KANK4: variants seen among roughly 807,000 people sequenced by gnomAD.
KANK4 encodes the protein KN motif and ankyrin repeat domains 4.
Under a neutral mutation model 80.8 loss-of-function variants are expected in KANK4, and 50 were observed. The ratio of observed to expected loss-of-function variants is 0.62; its 90% CI spans 0.49 to 0.78. The LOEUF (loss-of-function observed/expected upper bound fraction) is 0.78, where lower values mean the gene tolerates loss of function less well. KANK4 is among the 30% of genes least tolerant of loss of function. The pLI is 0.00. For missense variants in KANK4, 1,196 were observed against 1,240.1 expected (o/e 0.96, Z 0.53); for synonymous variants, 465 against 506.9 (o/e 0.92, Z 1.11).
intron 7 of KANK4, among the ~76,000 whole-genome samples, chr1:62,256,966 A>C (rs1671766542): frequency 6.6e-6 from 1 of 152,190 alleles, no homozygotes; most frequent in African/African-American, 2.4e-5. Flanking sequence ...AAGGAGCCTC[A>C]GCTTATCAGT....
intron 5 of KANK4, among the ~76,000 whole-genome samples, chr1:62,267,646 CA>C (rs1026929766): frequency 1.3e-5 from 2 of 151,860 alleles, no homozygotes; most frequent in African/African-American, 4.8e-5. Flanking sequence ...CTAAAAAATA[CA>C]AAAAAATAGC....
chr1:62,285,385 A>T (rs1036574448), intron 1 of KANK4, among the ~76,000 whole-genome samples: 1 of 151,896 alleles, frequency 6.6e-6, no homozygotes, highest in Admixed American at 6.6e-5. Context: ...GGTAAGCCCA[A>T]CTCCTGCAGC....
intron 9 of KANK4, among the ~76,000 whole-genome samples, chr1:62,245,729 G>A (rs1671449717): frequency 6.6e-6 from 1 of 152,138 alleles, no homozygotes; most frequent in Non-Finnish European, 1.5e-5. Flanking sequence ...ATTACTGAGA[G>A]GATTAGAGGT....
chr1:62,281,779 TA>T lies in KANK4; in HGVS notation c.-70-146del. On this transcript the variant is annotated intron_variant, in intron 1 of 9. Coordinates refer to ENST00000371153, the MANE Select transcript of KANK4 (RefSeq NM_181712.5). Reference sequence around the variant, plus strand: ...CTCACAGCCCTCCAAGGAGGAAGATTAAAAACCTGTACACATTTCTAGAGCC... The same window carrying T: ...CTCACAGCCCTCCAAGGAGGAAGATTAAAACCTGTACACATTTCTAGAGCC... The T allele has an allele frequency of 6.5e-6, 4 of 618,002 alleles. 1 individual carries two copies. In the South Asian group the frequency reaches 7.8e-5, roughly 12 times the overall value. The allele number at this position is 618,002 out of a possible 1,614,324, so 38.3% of individuals were successfully genotyped here.
At chr1:62,272,965 A>G (rs1672200834) in intron 3 of KANK4, among the ~76,000 whole-genome samples, 2 of 151,440 alleles carry the variant, frequency 1.3e-5, no homozygotes, top group Non-Finnish European at 2.9e-5. Context: ...TAATTTTTGT[A>G]TTTTTAGTAG....
chr1:62,262,412 C>T (rs1486096931), intron 7 of KANK4, among the ~76,000 whole-genome samples: 1 of 152,164 alleles, frequency 6.6e-6, no homozygotes, highest in Non-Finnish European at 1.5e-5. Context: ...TGAAGCATTT[C>T]CTTGACAGAA....
In KANK4 at chr1:62,268,494, G is replaced by T. The variant is rs1268431570; in HGVS notation, c.2024C>A (p.Thr675Asn). Residue 675 changes from threonine to asparagine, a missense_variant, in exon 5 of 10, where the codon ACC becomes AAC. Thr to Asn is a moderately conservative substitution (Grantham distance 65). Coordinates refer to ENST00000371153, the MANE Select transcript of KANK4 (RefSeq NM_181712.5). ...FVGVNGGYET[T>N]SSEETSGEDS... ...CTCACCGCTGGTCTCCTCACTTGAG[G>T]TGGTCTCATACCTGGGGTAGAAAAC... 1 of 1,613,508 alleles carries T rather than the reference G, an allele frequency of 6.2e-7. No individual in the cohort carries two copies. Among genetic ancestry groups the T allele is most frequent in the Admixed American group, 1.7e-5 (1 of 60,014 alleles).
intron 1 of KANK4, among the ~76,000 whole-genome samples, chr1:62,306,129 C>T (rs1644449185): frequency 1.3e-5 from 2 of 152,056 alleles, no homozygotes; most frequent in African/African-American, 4.8e-5. Context: ...GGACTACAGG[C>T]ATGTGCCACC....
At chr1:62,294,747 G>A (rs1486165750) in intron 1 of KANK4, among the ~76,000 whole-genome samples, 10 of 152,210 alleles carry the variant, frequency 6.6e-5, no homozygotes, top group Admixed American at 5.2e-4. Flanking sequence ...GACAAGAAGC[G>A]GACATGTGTG....
chr1:62,288,277 T>A (rs1227764702), intron 1 of KANK4, among the ~76,000 whole-genome samples: 1 of 152,138 alleles, frequency 6.6e-6, no homozygotes, highest in African/African-American at 2.4e-5. Context: ...ATGGCCCAGG[T>A]CCCTTCTGCC....
intron 9 of KANK4, among the ~76,000 whole-genome samples, chr1:62,238,860 G>A (rs1671273033): frequency 6.6e-6 from 1 of 152,040 alleles, no homozygotes; most frequent in African/African-American, 2.4e-5. Flanking sequence ...AAACTCCTGG[G>A]CTGAAGTGGT....
At chr1:62,243,693 C>T (rs1353121575) in intron 9 of KANK4, among the ~76,000 whole-genome samples, 1 of 152,136 alleles carries the variant, frequency 6.6e-6, no homozygotes, top group Non-Finnish European at 1.5e-5. Flanking sequence ...TTAGCTGTAT[C>T]CCTGGCCTCT....
intron 9 of KANK4, among the ~76,000 whole-genome samples, chr1:62,241,039 G>A (rs182483671): frequency 1.3e-4 from 20 of 152,312 alleles, no homozygotes; most frequent in South Asian, 6.2e-4. Flanking sequence ...TTGATGGGTA[G>A]AGGACACCCA....
intron 7 of KANK4, among the ~76,000 whole-genome samples, chr1:62,257,624 T>A (rs1483541358): frequency 6.6e-6 from 1 of 152,048 alleles, no homozygotes; most frequent in Admixed American, 6.6e-5. Context: ...AGTTTGTAAT[T>A]TTTTTTTCTG....
At chr1:62,286,426 G>A (rs560351254) in intron 1 of KANK4, among the ~76,000 whole-genome samples, 5 of 152,356 alleles carry the variant, frequency 3.3e-5, no homozygotes, top group Admixed American at 3.3e-4. Flanking sequence ...GGTCAGAAAC[G>A]AATTCACTGC....
intron 1 of KANK4, among the ~76,000 whole-genome samples, chr1:62,286,103 G>C (rs1672558549): frequency 6.6e-6 from 1 of 152,132 alleles, no homozygotes; most frequent in Non-Finnish European, 1.5e-5. Context: ...CACGTTTTTT[G>C]CAAGTGTGTG....
chr1:62,263,396 T>G, intron 6 of KANK4, 85 bp from the exon 7 acceptor site: 1 of 1,109,992 alleles, frequency 9.0e-7, no homozygotes, highest in Non-Finnish European at 1.3e-6. Context: ...AGCTTTGGCC[T>G]CTGTCCCTGC....
At chr1:62,286,351 A>G (rs2666488) in intron 1 of KANK4, among the ~76,000 whole-genome samples, 115,983 of 152,230 alleles carry the variant, frequency 0.76, 44,805 homozygotes, top group East Asian at 0.91. Flanking sequence ...TTGGTCAGGT[A>G]ATCCCTGACC....
In KANK4 at chr1:62,306,613, C is replaced by T. The variant is rs139486596; in HGVS notation, c.-71+12493G>A. Among the ~76,000 whole-genome samples, 154 of 152,056 alleles carry T rather than the reference C, an allele frequency of 1.0e-3. 1 individual carries two copies. The highest frequency in any genetic ancestry group is 1.9e-3 in the Non-Finnish European group (126 of 67,992). On this transcript the variant is annotated intron_variant, in intron 1 of 9. Transcript: ENST00000371153. The stretch of plus-strand genomic sequence containing the variant: ...CATTTTTTAAACAGATTCTCTATCC[C>T]TGTTGCTCAGGCAGAGGTGCAGTGG...
Sources: gnomAD v4.1 joint callset for allele counts (sites outside exome capture counted in the v4.1 genomes callset) on GRCh38, gnomAD v4.1.1 for gene constraint, MANE v1.5 for transcripts, NCBI Gene and HGNC (gene_info 2026-07-23, HGNC 2026-07-21) for gene names.